The following SMARCA5 variants were observed in gnomAD, a reference collection of about 807,000 sequenced individuals.
SMARCA5 encodes the protein SNF2 related chromatin remodeling ATPase 5.
Under a neutral mutation model 140.4 loss-of-function variants are expected in SMARCA5, and 18 were observed. The observed-to-expected ratio is 0.13, with a 90% confidence interval of 0.09 to 0.19. SMARCA5 has a LOEUF of 0.19. Among genes scored for constraint, SMARCA5 ranks in the 10% least tolerant of loss-of-function variants. The probability of loss-of-function intolerance (pLI) is 1.00; values close to 1 mark genes in which losing one functional copy is unlikely to be tolerated. For missense variants in SMARCA5, 606 were observed against 1,276.8 expected (o/e 0.47, Z 8.01); for synonymous variants, 449 against 419.6 (o/e 1.07, Z -0.86).
intron 16 of SMARCA5, 142 bp downstream of exon 16, chr4:143,544,114 A>T (rs1018492777): frequency 2.0e-6 from 1 of 494,810 alleles, no homozygotes; most frequent in African/African-American, 2.0e-5. Flanking sequence ...TTTCATCATT[A>T]TGTAAAATTT....
intron 17 of SMARCA5, among the ~76,000 whole-genome samples, chr4:143,545,192 T>G (rs1737499167): frequency 6.6e-6 from 1 of 152,182 alleles, no homozygotes; most frequent in South Asian, 2.1e-4. Flanking sequence ...CCGCCCACCT[T>G]GGTCTCCCAA....
rs768246475 is a variant in SMARCA5 at position 143,527,822 on chromosome 4, C to T, written c.802-46C>T. 1.5e-5 allele frequency: 22 copies of T among 1,511,802 alleles called. No homozygotes were observed. The Admixed American group carries it at 2.4e-4, about 16-fold the overall frequency. The allele number at this position is 1,511,802 out of a possible 1,614,324, so 93.6% of individuals were successfully genotyped here. A position where few individuals can be genotyped will look rare whatever the true frequency, so the allele number is the denominator to read the frequency against. ...TTACTTGTCATCAGTAAATGTAATG[C>T]GTAGTTTATTTCTACGTGATGTAAT... On this transcript the variant is annotated intron_variant, in intron 6 of 23. Coordinates refer to ENST00000283131, the MANE Select transcript of SMARCA5 (RefSeq NM_003601.4).
At chr4:143,546,753 AT>A in intron 19 of SMARCA5, 22 bp from the exon 20 acceptor site, 1 of 1,597,066 alleles carries the variant, frequency 6.3e-7, no homozygotes, top group Non-Finnish European at 8.5e-7. Flanking sequence ...GTGATTAAAT[AT>A]TTTGTTTCTG....
intron 9 of SMARCA5, among the ~76,000 whole-genome samples, chr4:143,532,678 C>A (rs1737215152): frequency 6.6e-6 from 1 of 152,014 alleles, no homozygotes; most frequent in Non-Finnish European, 1.5e-5. Context: ...CCCTTATTCC[C>A]TCCACCCCCC....
chr4:143,545,790 TTTAA>T, intron 18 of SMARCA5, 131 bp from the exon 19 acceptor site: 1 of 937,612 alleles, frequency 1.1e-6, no homozygotes, highest in East Asian at 2.4e-5. Context: ...CTGGTTTGTT[TTTAA>T]CATAATACAT....
rs571404544 is a variant in SMARCA5, at chr4:143,515,307, C to T, written c.177+1206C>T. Among the ~76,000 whole-genome samples, 4 of 152,266 alleles carry T rather than the reference C, an allele frequency of 2.6e-5. No individual in the cohort carries two copies. The South Asian group carries it at 6.2e-4, about 24-fold the overall frequency. On this transcript the variant is annotated intron_variant, in intron 1 of 23. Transcript: ENST00000283131. ...TTAGTGGTGAGGGTAGGTTTAGTGA[C>T]ATAGGAACTCCTGATAGTTCCTGTA...
At chr4:143,517,233 G>A in intron 1 of SMARCA5, 122 bp from the exon 2 acceptor site, 1 of 623,244 alleles carries the variant, frequency 1.6e-6, no homozygotes, top group South Asian at 2.1e-5. Context: ...AGCTGTTTAA[G>A]TTTCTAGGAA....
intron 9 of SMARCA5, among the ~76,000 whole-genome samples, chr4:143,534,018 G>A (rs923995447): frequency 6.6e-6 from 1 of 152,150 alleles, no homozygotes; most frequent in African/African-American, 2.4e-5. Flanking sequence ...GCAACCCTGT[G>A]TCAAGGAAGT....
In SMARCA5 at chr4:143,554,389, ATTTCT is replaced by A. The variant is rs1246874996; in HGVS notation, c.*1208_*1212del. The stretch of plus-strand genomic sequence containing the variant: ...ATCCGTAAAGTGGTCTTTTCTTTCC[ATTTCT>A]TTAATTGTTTTCTCAATTTTTATTC... On this transcript the variant is annotated 3_prime_UTR_variant, in exon 24 of 24. Transcript: ENST00000283131. 1 of 151,984 alleles carries A rather than the reference ATTTCT, an allele frequency of 6.6e-6. No homozygotes were observed. Among genetic ancestry groups the A allele is most frequent in the African/African-American group, 2.4e-5 (1 of 41,390 alleles). 9.4% of individuals were successfully genotyped at this position (151,984 alleles called of 1,614,324 possible). A position where few individuals can be genotyped will look rare whatever the true frequency, so the allele number is the denominator to read the frequency against.
rs1737691623 is a variant in SMARCA5 at position 143,553,732 on chromosome 4, A to C, written c.*548A>C. ...GACAAAGTATACTTAAATTCTATGCATATTTCTGTTATGCTTTCTGTTTTT... is the reference window on the plus strand; with the variant it reads ...GACAAAGTATACTTAAATTCTATGCCTATTTCTGTTATGCTTTCTGTTTTT... On this transcript the variant is annotated 3_prime_UTR_variant, in exon 24 of 24. Transcript: ENST00000283131. 1 of 152,262 alleles carries C rather than the reference A, an allele frequency of 6.6e-6. No homozygotes were observed. The highest frequency in any genetic ancestry group is 1.5e-5 in the Non-Finnish European group (1 of 68,068). The allele number at this position is 152,262 out of a possible 1,614,324, so 9.4% of individuals were successfully genotyped here.
chr4:143,554,760 C>T lies in SMARCA5; in HGVS notation c.*1576C>T. ...AAAAAGAATTTGTAAGAGTTATCAC[C>T]TCAGTTTGGAAGAAATTGAAAAAAT... On this transcript the variant is annotated 3_prime_UTR_variant, in exon 24 of 24. Coordinates refer to ENST00000283131, the MANE Select transcript of SMARCA5 (RefSeq NM_003601.4). 5.7e-6 allele frequency: 1 copy of T among 176,666 alleles called. No individual in the cohort carries two copies. Among genetic ancestry groups the T allele is most frequent in the Non-Finnish European group, 1.2e-5 (1 of 84,300 alleles). The allele number at this position is 176,666 out of a possible 1,614,324, so 10.9% of individuals were successfully genotyped here.
chr4:143,524,588 T>G (rs1578793627), intron 4 of SMARCA5, 121 bp downstream of exon 4: 1 of 616,594 alleles, frequency 1.6e-6, no homozygotes, highest in Non-Finnish European at 2.9e-6. Context: ...TAGATGTTTA[T>G]TGGTTATGAA....
chr4:143,521,715 CCT>C (rs1304976439), intron 3 of SMARCA5, 120 bp downstream of exon 3: 1 of 902,692 alleles, frequency 1.1e-6, no homozygotes, highest in Non-Finnish European at 1.6e-6. Context: ...TTTATTTGGC[CCT>C]GTTTGGCTTG....
chr4:143,542,664 G>A (rs28693906), intron 14 of SMARCA5, among the ~76,000 whole-genome samples: 295 of 152,320 alleles, frequency 1.9e-3, no homozygotes, highest in Middle Eastern at 0.017. Context: ...TTGTTTAGGT[G>A]TATGTGAGTG....
intron 14 of SMARCA5, among the ~76,000 whole-genome samples, chr4:143,541,961 A>C (rs897734108): frequency 1.8e-4 from 28 of 151,814 alleles, no homozygotes; most frequent in African/African-American, 6.8e-4. Flanking sequence ...GGGTTCAAGC[A>C]ATTCTGCTGC....
chr4:143,524,385 A>G lies in SMARCA5; in HGVS notation c.438A>G (p.Thr146=), dbSNP rs1737026212. ...TTAACAGTTACCGACACCGTAGAAC[A>G]GAGCAAGAGGAGGATGAAGAGCTAT... The part of the protein sequence containing the change: ...LSVGDYRHRR[T]EQEEDEELLT... The change falls in exon 4 of 24, where the codon ACA becomes ACG. Residue 146 remains threonine, a synonymous_variant. Coordinates refer to ENST00000283131, the MANE Select transcript of SMARCA5 (RefSeq NM_003601.4). The G allele has an allele frequency of 1.2e-6, 2 of 1,611,990 alleles. No homozygotes were observed. Among genetic ancestry groups the G allele is most frequent in the South Asian group, 1.1e-5 (1 of 90,820 alleles).
chr4:143,532,919 C>T (rs1250813440), intron 9 of SMARCA5, among the ~76,000 whole-genome samples: 1 of 152,096 alleles, frequency 6.6e-6, no homozygotes, highest in Non-Finnish European at 1.5e-5. Flanking sequence ...CAGTTGCTGC[C>T]GCCTGTTGAC....
intron 22 of SMARCA5, 53 bp downstream of exon 22, chr4:143,548,193 A>C (rs1373568941): frequency 2.9e-6 from 3 of 1,038,176 alleles, no homozygotes; most frequent in Non-Finnish European, 4.3e-6. Flanking sequence ...AGTAAGTGTC[A>C]TCTTTGGTAT....
At chr4:143,538,969 C>T (rs778362401) in intron 13 of SMARCA5, 31 bp downstream of exon 13, 1 of 1,592,880 alleles carries the variant, frequency 6.3e-7, no homozygotes, top group Admixed American at 1.7e-5. Context: ...ATATTCTGTG[C>T]TTAGTAGATG....
Sources: gnomAD v4.1 joint callset for allele counts (sites outside exome capture counted in the v4.1 genomes callset) on GRCh38, gnomAD v4.1.1 for gene constraint, MANE v1.5 for transcripts, NCBI Gene and HGNC (gene_info 2026-07-23, HGNC 2026-07-21) for gene names.